Variants in JCAD observed in about 807,000 individuals in gnomAD.
JCAD encodes junctional cadherin 5 associated, also known as junctional cadherin 5-associated protein.
A neutral mutation model predicts 98.0 loss-of-function variants in JCAD; 40 were observed. The observed-to-expected ratio is 0.41, with a 90% CI of 0.32 to 0.53. The LOEUF (loss-of-function observed/expected upper bound fraction) is 0.53. Among genes scored for constraint, JCAD ranks in the 20% least tolerant of loss-of-function variants. JCAD has a pLI of 0.31. For synonymous variants in JCAD, 691 were observed against 682.3 expected (o/e 1.01, Z -0.20); for missense variants, 1,705 against 1,738.1 (o/e 0.98, Z 0.34).
chr10:30,042,158 C>T (rs1837255754), intron 2 of JCAD, among the ~76,000 whole-genome samples: 1 of 152,120 alleles, frequency 6.6e-6, no homozygotes, highest in African/African-American at 2.4e-5. Context: ...ATGGAGTCAA[C>T]GACTTAAAAA....
At chr10:30,038,688 TAAAAA>T (rs11402293) in intron 2 of JCAD, among the ~76,000 whole-genome samples, 31 of 122,032 alleles carry the variant, frequency 2.5e-4, no homozygotes, top group African/African-American at 9.1e-4. Flanking sequence ...TGTCTCAAAA[TAAAAA>T]AAAAAAAAAA....
chr10:30,025,137 A>T lies in JCAD; in HGVS notation c.4045+966T>A, dbSNP rs550032890. Among the ~76,000 whole-genome samples the T allele has an allele frequency of 7.0e-4, 107 of 152,232 alleles. No homozygotes were observed. The Middle Eastern group carries it at 0.014, about 19-fold the overall frequency. On this transcript the variant is annotated intron_variant, in intron 3 of 3. Transcript: ENST00000375377. ...CAGAACCACCTGCTGGAGACTGGGT[A>T]GGAAGAGGGAAGGGCCCAGCTCAGG...
At position 30,043,934 on chromosome 10, in the gene JCAD, T is replaced by G. The variant is rs142377545; in HGVS notation, c.281+3598A>C. 5.0e-4 allele frequency among the ~76,000 whole-genome samples: 76 copies of G among 152,326 alleles called. 1 individual carries two copies. Among genetic ancestry groups the G allele is most frequent in the African/African-American group, 1.7e-3 (69 of 41,574 alleles). ...CTATGGTTTAAATGTTTATTCTGTC[T>G]AAAACTCCTGTTGAAATTTAATTGC... is the stretch of plus-strand genomic sequence containing the variant. On this transcript the variant is annotated intron_variant, in intron 2 of 3. Coordinates refer to ENST00000375377, the MANE Select transcript of JCAD (RefSeq NM_020848.4).
intron 1 of JCAD, among the ~76,000 whole-genome samples, chr10:30,097,225 A>G (rs1439646308): frequency 6.6e-6 from 1 of 152,222 alleles, no homozygotes; most frequent in African/African-American, 2.4e-5. Flanking sequence ...TTAATTTTAA[A>G]TAATTAAAAT....
chr10:30,023,168 A>G (rs542557247), intron 3 of JCAD, among the ~76,000 whole-genome samples: 4 of 151,898 alleles, frequency 2.6e-5, no homozygotes, highest in Non-Finnish European at 5.9e-5. Flanking sequence ...CTCCCAAGTA[A>G]TTGGGATTAC....
rs143533371 is a variant in JCAD, at chr10:30,075,065, C to G, written n.129-5244G>C. Among the ~76,000 whole-genome samples, 430 of 152,326 alleles carry G rather than the reference C, an allele frequency of 2.8e-3. 5 individuals are homozygous for G. Among genetic ancestry groups the G allele is most frequent in the African/African-American group, 9.9e-3 (413 of 41,556 alleles). ...TCAGCCTCCCAAAGTGTTGGGATTA[C>G]AGGCATGAGCCACCATACCAGGCCA... On this transcript the variant is annotated intron_variant and non_coding_transcript_variant, in intron 1 of 2. Transcript: ENST00000465712.
At chr10:30,100,056 A>G (rs1187165478) in intron 1 of JCAD, among the ~76,000 whole-genome samples, 2 of 152,104 alleles carry the variant, frequency 1.3e-5, no homozygotes, top group Non-Finnish European at 2.9e-5. Flanking sequence ...GGGGAAGGAC[A>G]CAGCAGCAGG....
intron 1 of JCAD, among the ~76,000 whole-genome samples, chr10:30,055,183 T>TAA (rs1200722925): frequency 2.0e-5 from 3 of 152,222 alleles, no homozygotes; most frequent in African/African-American, 7.2e-5. Flanking sequence ...ACCAGCATTC[T>TAA]AAAAAGGTCT....
intron 1 of JCAD, among the ~76,000 whole-genome samples, chr10:30,082,937 G>T (rs1436914755): frequency 6.6e-6 from 1 of 151,440 alleles, no homozygotes; most frequent in Admixed American, 6.6e-5. Flanking sequence ...GGGAGGCCAA[G>T]GCAGGAGAAT....
intron 1 of JCAD, among the ~76,000 whole-genome samples, chr10:30,110,098 C>T (rs1838662510): frequency 6.6e-6 from 1 of 152,000 alleles, no homozygotes; most frequent in African/African-American, 2.4e-5. Context: ...TATGGACTCA[C>T]TTATGTATCG....
At position 30,026,276 on chromosome 10, in the gene JCAD, G is replaced by A. The variant is rs61739204; in HGVS notation, c.3872C>T (p.Thr1291Ile). ...CGGGAGCCCGGCCTGGCCCCTTGTGGTGGCCTTCAATTCCTCGGCGTCCTC... is the reference window on the plus strand; with the variant it reads ...CGGGAGCCCGGCCTGGCCCCTTGTGATGGCCTTCAATTCCTCGGCGTCCTC... ...SQEDAEELKA[T>I]TRGQAGLPGG... is the part of the protein sequence containing the mutation. Residue 1291 changes from threonine (T) to isoleucine (I), a missense_variant, in exon 3 of 4, where the codon ACC (threonine) becomes ATC (isoleucine). This residue lies in a region of JCAD where 1,278 missense variants were observed against 1,243.1 expected (regional missense o/e 1.03). Transcript: ENST00000375377. 2.4e-4 allele frequency: 394 copies of A among 1,613,858 alleles called. 2 individuals carry two copies. The African/African-American group carries it at 4.9e-3, about 20-fold the overall frequency.
At chr10:30,104,502 T>C (rs746465767) in intron 1 of JCAD, among the ~76,000 whole-genome samples, 32 of 152,168 alleles carry the variant, frequency 2.1e-4, no homozygotes, top group Non-Finnish European at 3.4e-4. Flanking sequence ...TTTTCACTTA[T>C]AAGTGGGAGC....
At chr10:30,063,221 G>A (rs1006449841), upstream of JCAD, among the ~76,000 whole-genome samples, 2 of 151,860 alleles carry the variant, frequency 1.3e-5, no homozygotes, top group Non-Finnish European at 2.9e-5. Flanking sequence ...TTAACATGAA[G>A]CTGTTAGAAG....
intron 1 of JCAD, among the ~76,000 whole-genome samples, chr10:30,073,647 G>GTCCTTCCTTCCTTCCTTCCTTCCTTCCT (rs60380450): frequency 7.2e-6 from 1 of 138,584 alleles, no homozygotes; most frequent in African/African-American, 2.8e-5. Context: ...TAGCAAGATT[G>GTCCTTCCTTCCTTCCTTCCTTCCTTCCT]TCCTTCCTTC....
intron 1 of JCAD, among the ~76,000 whole-genome samples, chr10:30,101,260 A>G (rs1248213294): frequency 3.9e-5 from 6 of 152,062 alleles, no homozygotes. Flanking sequence ...TACAAAAAAT[A>G]TAGCTGGGCG....
At chr10:30,092,127 A>ATATAT (rs1589715617) in intron 1 of JCAD, among the ~76,000 whole-genome samples, 2 of 80,898 alleles carry the variant, frequency 2.5e-5, no homozygotes, top group South Asian at 4.4e-4. Flanking sequence ...TATATATATA[A>ATATAT]AAAACATTTT....
intron 1 of JCAD, among the ~76,000 whole-genome samples, chr10:30,095,113 G>A (rs1196006101): frequency 1.3e-5 from 2 of 152,126 alleles, no homozygotes; most frequent in East Asian, 3.8e-4. Flanking sequence ...GCCCTTGGAC[G>A]AACTTTATGT....
Position 30,045,093 on chromosome 10 carries a change from C to G in JCAD, c.281+2439G>C, listed in dbSNP as rs564287307. Among the ~76,000 whole-genome samples, 6 of 152,270 alleles carry G rather than the reference C, an allele frequency of 3.9e-5. No homozygotes were observed. In the South Asian group the frequency reaches 1.2e-3, roughly 32 times the overall value. ...CAAAGCCACTTATCTGAGCCCTTCA[C>G]TCAGGATGGAAACAAAGGCAGCTTG... On this transcript the variant is annotated intron_variant, in intron 2 of 3. Transcript: ENST00000375377.
chr10:30,061,852 T>G (rs1396306438), upstream of JCAD, among the ~76,000 whole-genome samples: 1 of 152,126 alleles, frequency 6.6e-6, no homozygotes, highest in African/African-American at 2.4e-5. Flanking sequence ...TTCTCCTCAA[T>G]TTGCCAACTC....
Sources: gnomAD v4.1 joint callset for allele counts (sites outside exome capture counted in the v4.1 genomes callset) on GRCh38, gnomAD v4.1.1 for gene constraint, gnomAD v4.1.1 regional missense constraint, MANE v1.5 for transcripts, NCBI Gene and HGNC (gene_info 2026-07-23, HGNC 2026-07-21) for gene names.